ASIC4: variants seen among roughly 807,000 people sequenced by gnomAD.
ASIC4 encodes acid-sensing ion channel 4.
Under a neutral mutation model 53.4 loss-of-function variants are expected in ASIC4, and 28 were observed. The observed-to-expected ratio is 0.52, with a 90% CI of 0.39 to 0.72. The LOEUF is 0.72. ASIC4 is among the 30% of genes least tolerant of loss of function. The probability of loss-of-function intolerance (pLI) is 0.00; values close to 1 mark genes in which losing one functional copy is unlikely to be tolerated. For missense variants in ASIC4, 649 were observed against 729.7 expected (o/e 0.89, Z 1.27); for synonymous variants, 289 against 301.4 (o/e 0.96, Z 0.43).
At position 219,537,790 on chromosome 2, in the gene ASIC4, A is replaced by T; in HGVS notation, c.1506+54A>T. 6.4e-7 allele frequency: 1 copy of T among 1,555,296 alleles called. No homozygotes were observed. Among genetic ancestry groups the T allele is most frequent in the South Asian group, 1.2e-5 (1 of 86,678 alleles). On this transcript the variant is annotated intron_variant, in intron 9 of 9. Coordinates refer to ENST00000358078, the MANE Select transcript of ASIC4 (RefSeq NM_018674.6). This position sits in a 1 kb window ranked among gnomAD's most constrained non-coding sequence, Gnocchi z 4.9. Reference sequence around the variant, plus strand: ...ATGCAGCCACACCTCCCCAGGACTGAATACATCCATTGTTTCTGAACCAGC... The same window carrying T: ...ATGCAGCCACACCTCCCCAGGACTGTATACATCCATTGTTTCTGAACCAGC...
chr2:219,535,990 C>G (rs1004450132), intron 6 of ASIC4, among the ~76,000 whole-genome samples: 3 of 152,126 alleles, frequency 2.0e-5, no homozygotes, highest in Non-Finnish European at 4.4e-5. Context: ...CCAGGCTGGT[C>G]TTAAACTCCT....
chr2:219,511,514 CT>C, upstream of ASIC4, among the ~76,000 whole-genome samples: 1 of 152,228 alleles, frequency 6.6e-6, no homozygotes, highest in African/African-American at 2.4e-5. The surrounding 1 kb of genome is among the most constrained non-coding windows in gnomAD (Gnocchi z 5.3). Context: ...GGGAATAAAT[CT>C]GAGGAATGGG....
chr2:219,520,090 G>A lies in ASIC4; in HGVS notation c.582+4784G>A, dbSNP rs144022760. Reference sequence around the variant, plus strand: ...GGTCCTCAAGGGTCCAGGCAGCCCCGGGGGGCCAGGAGCCTGGGGCCCTGT... The same window carrying A: ...GGTCCTCAAGGGTCCAGGCAGCCCCAGGGGGCCAGGAGCCTGGGGCCCTGT... On this transcript the variant is annotated intron_variant, in intron 1 of 9. Coordinates refer to ENST00000358078, the MANE Select transcript of ASIC4 (RefSeq NM_018674.6). Among the ~76,000 whole-genome samples the A allele has an allele frequency of 5.3e-5, 8 of 152,168 alleles. No homozygotes were observed. The South Asian group carries it at 1.0e-3, about 20-fold the overall frequency.
chr2:219,511,935 G>A (rs1234931005), upstream of ASIC4, among the ~76,000 whole-genome samples: 1 of 152,060 alleles, frequency 6.6e-6, no homozygotes, highest in Non-Finnish European at 1.5e-5. This position sits in a 1 kb window ranked among gnomAD's most constrained non-coding sequence, Gnocchi z 5.3. Context: ...CAGAGGCAAA[G>A]GGGGTATAGA....
At chr2:219,513,218 C>T (rs549714518), upstream of ASIC4, among the ~76,000 whole-genome samples, 133 of 152,200 alleles carry the variant, frequency 8.7e-4, no homozygotes, top group African/African-American at 2.8e-3. Context: ...TGCTCATTAG[C>T]GCCCCGATTA....
intron 1 of ASIC4, among the ~76,000 whole-genome samples, chr2:219,523,831 T>A (rs952725499): frequency 3.3e-5 from 5 of 152,086 alleles, no homozygotes; most frequent in African/African-American, 9.7e-5. Context: ...GCACTTTTTT[T>A]TTTTTTTGAG....
rs1237702433 is a variant in ASIC4, at chr2:219,514,895, C to A, written c.171C>A (p.Ala57=). ...STSTLHGLGR[A]CGPGPHGLRR... The stretch of plus-strand genomic sequence containing the variant: ...GCACCCTGCATGGACTGGGCCGGGC[C>A]TGTGGCCCAGGCCCCCACGGACTGC... The change falls in exon 1 of 10, where the codon GCC becomes GCA. Residue 57 remains alanine (A), a synonymous_variant. Coordinates refer to ENST00000358078, the MANE Select transcript of ASIC4 (RefSeq NM_018674.6). The A allele has an allele frequency of 6.2e-7, 1 of 1,612,818 alleles. No individual in the cohort carries two copies. The highest frequency in any genetic ancestry group is 8.5e-7 in the Non-Finnish European group (1 of 1,179,854).
chr2:219,518,520 T>C lies in ASIC4; in HGVS notation c.582+3214T>C, dbSNP rs952623924. 1.3e-5 allele frequency among the ~76,000 whole-genome samples: 2 copies of C among 151,758 alleles called. No individual in the cohort carries two copies. The highest frequency in any genetic ancestry group is 1.3e-4 in the Admixed American group (2 of 15,232). ...CAGCTAGTTTACCTCTGCTCCTCTC[T>C]TCTCCCTCCCCTCTTCACTCAGTCT... On this transcript the variant is annotated intron_variant, in intron 1 of 9. Coordinates refer to ENST00000358078, the MANE Select transcript of ASIC4 (RefSeq NM_018674.6). This position sits in a 1 kb window ranked among gnomAD's most constrained non-coding sequence, Gnocchi z 4.8.
intron 1 of ASIC4, among the ~76,000 whole-genome samples, chr2:219,531,541 G>C (rs1356854118): frequency 1.3e-5 from 2 of 152,202 alleles, no homozygotes; most frequent in Non-Finnish European, 2.9e-5. Flanking sequence ...AGGTGTTGAT[G>C]TGCTGTTGGG....
At chr2:219,535,346 G>GGA (rs772493952) in intron 6 of ASIC4, 22 bp downstream of exon 6, 1 of 1,566,082 alleles carries the variant, frequency 6.4e-7, no homozygotes, top group African/African-American at 1.4e-5. Context: ...TGTGTGTGGG[G>GGA]GGTGGCTGTG....
chr2:219,524,377 G>A (rs1485858937), intron 1 of ASIC4, among the ~76,000 whole-genome samples: 1 of 152,226 alleles, frequency 6.6e-6, no homozygotes, highest in East Asian at 1.9e-4. Flanking sequence ...GGACTCCAGG[G>A]CCAGACTGCC....
chr2:219,514,350 AGCGGAGCGGCTGGGGCTGCGCGGCGTG>A (rs1053201914), upstream of ASIC4: 1 of 1,546,274 alleles, frequency 6.5e-7, no homozygotes, highest in African/African-American at 1.4e-5. Flanking sequence ...GCACATGCTG[AGCGGAGCGGCTGGGGCTGCGCGGCGTG>A]GCGGAGCAGC....
upstream of ASIC4, among the ~76,000 whole-genome samples, chr2:219,512,342 G>C (rs1342008157): frequency 6.6e-6 from 1 of 152,176 alleles, no homozygotes; most frequent in Non-Finnish European, 1.5e-5. Context: ...TAGATGGTGG[G>C]TGAATTTAGA....
At position 219,537,798 on chromosome 2, in the gene ASIC4, C is replaced by A; in HGVS notation, c.1506+62C>A. 1.3e-6 allele frequency: 2 copies of A among 1,544,852 alleles called. No homozygotes were observed. Among genetic ancestry groups the A allele is most frequent in the East Asian group, 2.4e-5 (1 of 42,194 alleles). ...ACACCTCCCCAGGACTGAATACATCCATTGTTTCTGAACCAGCCTGTGGAG... is the reference window on the plus strand; with the variant it reads ...ACACCTCCCCAGGACTGAATACATCAATTGTTTCTGAACCAGCCTGTGGAG... On this transcript the variant is annotated intron_variant, in intron 9 of 9. Transcript: ENST00000358078. The surrounding 1 kb of genome is among the most constrained non-coding windows in gnomAD (Gnocchi z 4.9).
intron 5 of ASIC4, among the ~76,000 whole-genome samples, chr2:219,534,401 GGAGA>G (rs1559119977): frequency 1.3e-5 from 2 of 152,380 alleles, no homozygotes; most frequent in East Asian, 1.9e-4. Flanking sequence ...GCCTGCAGGA[GGAGA>G]GAGAGACCTG....
At chr2:219,535,687 G>A (rs991901557) in intron 6 of ASIC4, among the ~76,000 whole-genome samples, 8 of 151,994 alleles carry the variant, frequency 5.3e-5, no homozygotes, top group African/African-American at 1.2e-4. Flanking sequence ...AACAGGCGCT[G>A]GGCATGGTGG....
At chr2:219,514,040 G>T, upstream of ASIC4, 2 of 410,130 alleles carry the variant, frequency 4.9e-6, no homozygotes, top group South Asian at 1.2e-4. Flanking sequence ...AGTCTCAGAG[G>T]CCAGGAGGTG....
At position 219,514,549 on chromosome 2, in the gene ASIC4, G is replaced by C. The variant is rs369813456; in HGVS notation, c.-176G>C. On this transcript the variant is annotated 5_prime_UTR_variant, in exon 1 of 10. Transcript: ENST00000358078. The stretch of plus-strand genomic sequence containing the variant: ...CAGCACCAGGGCTGCGGAGCTGCTG[G>C]GAGTGGGAGTGACTCCCCCACCTCG... The C allele has an allele frequency of 1.7e-5, 26 of 1,561,242 alleles. No individual in the cohort carries two copies. Among genetic ancestry groups the C allele is most frequent in the Admixed American group, 9.6e-5 (5 of 52,172 alleles).
In ASIC4 at chr2:219,538,088, T is replaced by C. The variant is rs1166296234; in HGVS notation, c.*42T>C. 1 of 1,488,444 alleles carries C rather than the reference T, an allele frequency of 6.7e-7. No homozygotes were observed. Among genetic ancestry groups the C allele is most frequent in the Admixed American group, 1.8e-5 (1 of 54,360 alleles). 92.2% of individuals were successfully genotyped at this position (1,488,444 alleles called of 1,614,324 possible). A position where few individuals can be genotyped will look rare whatever the true frequency, so the allele number is the denominator to read the frequency against. On this transcript the variant is annotated 3_prime_UTR_variant, in exon 10 of 10. Transcript: ENST00000358078. ...AAAGGACCCAGGAGTCTGGGACCCC[T>C]CCTGGGATCCCCAGCACATTCTCCT...
Sources: gnomAD v4.1 joint callset for allele counts (sites outside exome capture counted in the v4.1 genomes callset) on GRCh38, gnomAD v4.1.1 for gene constraint, Gnocchi (gnomAD v3.1) non-coding constraint, MANE v1.5 for transcripts, NCBI Gene and HGNC (gene_info 2026-07-23, HGNC 2026-07-21) for gene names.